MAP3K7: variants seen among roughly 807,000 people sequenced by gnomAD.
MAP3K7 encodes mitogen-activated protein kinase kinase kinase 7.
In MAP3K7, 21 loss-of-function variants were observed where a neutral mutation model predicts 84.8. The observed-to-expected ratio is 0.25, with a 90% CI of 0.18 to 0.36. MAP3K7 has a LOEUF of 0.36. Among genes scored for constraint, MAP3K7 ranks in the 10% least tolerant of loss-of-function variants. The pLI is 1.00. For missense variants in MAP3K7, 503 were observed against 747.7 expected, an observed-to-expected ratio of 0.67 and a Z score of 3.82; for synonymous variants, 241 against 247.7, an observed-to-expected ratio of 0.97 and a Z score of 0.25.
At chr6:90,547,156 A>G in intron 11 of MAP3K7, 102 bp downstream of exon 11, 1 of 1,340,178 alleles carries the variant, frequency 7.5e-7, no homozygotes, top group South Asian at 1.3e-5. Context: ...CTATTTAAAA[A>G]AAAATATAAG....
rs1329376138 is a variant in MAP3K7, at chr6:90,514,188, A to G, written c.*2313T>C. 6.6e-6 allele frequency: 1 copy of G among 152,090 alleles called. No homozygotes were observed. Among genetic ancestry groups the G allele is most frequent in the East Asian group, 1.9e-4 (1 of 5,202 alleles). The allele number at this position is 152,090 out of a possible 1,614,324, so 9.4% of individuals were successfully genotyped here. A position where few individuals can be genotyped will look rare whatever the true frequency, so the allele number is the denominator to read the frequency against. Reference sequence around the variant, plus strand: ...AACGGTCAAAATAAATTGTAAAACCAGAACGAATAAGTTTGGCTCCTTGTT... The same window carrying G: ...AACGGTCAAAATAAATTGTAAAACCGGAACGAATAAGTTTGGCTCCTTGTT... On this transcript the variant is annotated 3_prime_UTR_variant, in exon 17 of 17. Transcript: ENST00000369329.
chr6:90,529,636 C>T (rs998070402), intron 13 of MAP3K7, among the ~76,000 whole-genome samples: 1 of 152,166 alleles, frequency 6.6e-6, no homozygotes, highest in African/African-American at 2.4e-5. Context: ...TATTATCTAT[C>T]TATAAGGTTA....
chr6:90,530,078 T>C (rs576668891), intron 13 of MAP3K7, among the ~76,000 whole-genome samples: 1 of 152,344 alleles, frequency 6.6e-6, no homozygotes, highest in South Asian at 2.1e-4. Context: ...AAATTATTCC[T>C]GAGTCTTTTT....
chr6:90,517,956 T>TTC (rs1775021960), intron 16 of MAP3K7, among the ~76,000 whole-genome samples: 1 of 151,612 alleles, frequency 6.6e-6, no homozygotes, highest in Non-Finnish European at 1.5e-5. Flanking sequence ...TTAAGAACTG[T>TTC]GAATGCAGTA....
rs1297926057 is a variant in MAP3K7 at position 90,560,210 on chromosome 6, C to T, written c.348G>A (p.Leu116=). ...YAEGGSLYNV[L]HGAEPLPYYT... ...AATATGGCAATGGTTCAGCACCATGCAGCACTGCGAAAGAAAGGCACAAAC... is the reference window on the plus strand; with the variant it reads ...AATATGGCAATGGTTCAGCACCATGTAGCACTGCGAAAGAAAGGCACAAAC... The change falls in exon 5 of 17, where the codon CTG becomes CTA. Residue 116 remains leucine (L), a synonymous_variant. Transcript: ENST00000369329. 1.2e-6 allele frequency: 2 copies of T among 1,613,996 alleles called. No individual in the cohort carries two copies. The highest frequency in any genetic ancestry group is 1.7e-6 in the Non-Finnish European group (2 of 1,179,986).
intron 14 of MAP3K7, among the ~76,000 whole-genome samples, chr6:90,521,447 C>T (rs1383948794): frequency 6.6e-6 from 1 of 152,050 alleles, no homozygotes; most frequent in Non-Finnish European, 1.5e-5. Flanking sequence ...ATGCTGCCTT[C>T]TCCTTTCTGC....
intron 3 of MAP3K7, among the ~76,000 whole-genome samples, chr6:90,562,122 C>T (rs1248528567): frequency 6.6e-6 from 1 of 152,092 alleles, no homozygotes; most frequent in Non-Finnish European, 1.5e-5. Flanking sequence ...CCAAGATGGC[C>T]AAATAGGAAA....
chr6:90,572,259 T>C (rs1776930687), intron 1 of MAP3K7, among the ~76,000 whole-genome samples: 1 of 151,966 alleles, frequency 6.6e-6, no homozygotes, highest in Non-Finnish European at 1.5e-5. Context: ...GGATAGGGAA[T>C]GGAGGAGAAA....
Position 90,587,054 on chromosome 6 carries a change from C to T in MAP3K7, c.-171G>A. The T allele has an allele frequency of 4.0e-6, 3 of 750,544 alleles. No homozygotes were observed. The highest frequency in any genetic ancestry group is 5.8e-6 in the Non-Finnish European group (3 of 517,470). 46.5% of individuals were successfully genotyped at this position (750,544 alleles called of 1,614,324 possible). ...CGGCCACAGCCGTGTCCGGCTCTGG[C>T]TCCGCTGCGTTTTCCGCCGACGGGC... On this transcript the variant is annotated 5_prime_UTR_variant, in exon 1 of 17. Coordinates refer to ENST00000369329, the MANE Select transcript of MAP3K7 (RefSeq NM_145331.3).
At chr6:90,540,157 A>G (rs1383792387) in intron 12 of MAP3K7, among the ~76,000 whole-genome samples, 1 of 151,906 alleles carries the variant, frequency 6.6e-6, no homozygotes, top group Non-Finnish European at 1.5e-5. Flanking sequence ...ACTCAAAAAC[A>G]TTTGTATATT....
intron 9 of MAP3K7, among the ~76,000 whole-genome samples, chr6:90,549,206 C>T (rs1484004112): frequency 6.6e-6 from 1 of 152,088 alleles, no homozygotes; most frequent in East Asian, 1.9e-4. Context: ...TAGATGGGCA[C>T]AGATGTTGTG....
At position 90,587,017 on chromosome 6, in the gene MAP3K7, G is replaced by C; in HGVS notation, c.-134C>G. Reference sequence around the variant, plus strand: ...CCTACTACCCGGCGATCCGTGGCGGGGGTAGAGGCAGCGGCCACAGCCGTG... The same window carrying C: ...CCTACTACCCGGCGATCCGTGGCGGCGGTAGAGGCAGCGGCCACAGCCGTG... On this transcript the variant is annotated 5_prime_UTR_variant, in exon 1 of 17. Coordinates refer to ENST00000369329, the MANE Select transcript of MAP3K7 (RefSeq NM_145331.3). 3 of 1,118,678 alleles carry C rather than the reference G, an allele frequency of 2.7e-6. No individual in the cohort carries two copies. Among genetic ancestry groups the C allele is most frequent in the East Asian group, 3.2e-5 (1 of 31,084 alleles). The allele number at this position is 1,118,678 out of a possible 1,614,324, so 69.3% of individuals were successfully genotyped here.
At chr6:90,542,607 C>G (rs1775888307) in intron 12 of MAP3K7, 1 of 444,130 alleles carries the variant, frequency 2.3e-6, no homozygotes, top group Admixed American at 6.4e-5. Context: ...GACTTGGAGT[C>G]AGAAGATCTG....
intron 13 of MAP3K7, among the ~76,000 whole-genome samples, chr6:90,529,833 G>C (rs1226044048): frequency 6.6e-6 from 1 of 151,966 alleles, no homozygotes; most frequent in African/African-American, 2.4e-5. Context: ...TTTTTATATT[G>C]TACTTCCCAG....
chr6:90,554,546 G>A (rs1029005160), intron 6 of MAP3K7, among the ~76,000 whole-genome samples: 1 of 152,164 alleles, frequency 6.6e-6, no homozygotes, highest in African/African-American at 2.4e-5. Context: ...GCAGTACACT[G>A]TAATATAGCA....
intron 12 of MAP3K7, among the ~76,000 whole-genome samples, chr6:90,539,896 C>T (rs1441988724): frequency 1.3e-5 from 2 of 151,898 alleles, no homozygotes; most frequent in African/African-American, 4.8e-5. Flanking sequence ...CTACATTCTA[C>T]TTACTCCAAT....
At position 90,523,671 on chromosome 6, in the gene MAP3K7, TG is replaced by T; in HGVS notation, c.1462+6del. The T allele has an allele frequency of 6.3e-7, 1 of 1,593,068 alleles. No homozygotes were observed. Among genetic ancestry groups the T allele is most frequent in the Non-Finnish European group, 8.6e-7 (1 of 1,161,072 alleles). On this transcript the variant is annotated splice_donor_region_variant and intron_variant, in intron 14 of 16. Coordinates refer to ENST00000369329, the MANE Select transcript of MAP3K7 (RefSeq NM_145331.3). Reference sequence around the variant, plus strand: ...ACTTCATAAGTATGAAGAAACAGACTGGTCACCTGTGGAATCATCAGGGGTC... The same window carrying T: ...ACTTCATAAGTATGAAGAAACAGACTGTCACCTGTGGAATCATCAGGGGTC...
intron 2 of MAP3K7, among the ~76,000 whole-genome samples, chr6:90,569,579 C>T (rs2127984217): frequency 6.6e-6 from 1 of 152,236 alleles, no homozygotes; most frequent in East Asian, 1.9e-4. Flanking sequence ...CTCCTGGACT[C>T]ATGCAATCCT....
intron 12 of MAP3K7, among the ~76,000 whole-genome samples, chr6:90,538,395 T>A (rs180787177): frequency 1.3e-5 from 2 of 152,044 alleles, no homozygotes; most frequent in Admixed American, 1.3e-4. Flanking sequence ...ATTTTACCTT[T>A]TTTGGTCCTT....
Sources: allele counts gnomAD v4.1 joint callset (sites outside exome capture counted in the v4.1 genomes callset), GRCh38; gene constraint gnomAD v4.1.1; transcripts MANE v1.5; gene names NCBI Gene and HGNC (gene_info 2026-07-23, HGNC 2026-07-21).